Variants in CTIF observed in about 807,000 individuals in gnomAD.
CTIF encodes CBP80/20-dependent translation initiation factor.
Under a neutral mutation model 66.0 loss-of-function variants are expected in CTIF, and 21 were observed. The observed-to-expected ratio is 0.32, with a 90% CI of 0.23 to 0.46. The LOEUF is 0.46. CTIF is among the 20% of genes least tolerant of loss of function. The pLI is 1.00. For missense variants in CTIF, 739 were observed against 812.7 expected (o/e 0.91, Z 1.10); for synonymous variants, 345 against 326.4 (o/e 1.06, Z -0.62).
At chr18:48,544,800 A>G (rs1389844457) in intron 1 of CTIF, among the ~76,000 whole-genome samples, 1 of 152,214 alleles carries the variant, frequency 6.6e-6, no homozygotes, top group African/African-American at 2.4e-5. Context: ...TGCGAGCTTC[A>G]CAGTAGTTGT....
Position 48,550,535 on chromosome 18 carries a change from C to T in CTIF, c.-29+11223C>T, listed in dbSNP as rs563555124. On this transcript the variant is annotated intron_variant, in intron 1 of 11. Transcript: ENST00000256413. ...ACATACACATGCAAACAGCCCAGGCCGTGGGGCTGACCATGCAAGCTAAGA... is the reference window on the plus strand; with the variant it reads ...ACATACACATGCAAACAGCCCAGGCTGTGGGGCTGACCATGCAAGCTAAGA... 2.0e-5 allele frequency among the ~76,000 whole-genome samples: 3 copies of T among 152,332 alleles called. No homozygotes were observed. The South Asian group carries it at 6.2e-4, about 32-fold the overall frequency.
chr18:48,571,761 A>G (rs2089420690), intron 1 of CTIF, among the ~76,000 whole-genome samples: 1 of 152,034 alleles, frequency 6.6e-6, no homozygotes, highest in Non-Finnish European at 1.5e-5. Context: ...TATACTGTGT[A>G]GTCAAAGGCA....
At position 48,761,667 on chromosome 18, in the gene CTIF, G is replaced by A; in HGVS notation, c.1349G>A (p.Ser450Asn). 1 of 1,611,310 alleles carries A rather than the reference G, an allele frequency of 6.2e-7. No individual in the cohort carries two copies. The highest frequency in any genetic ancestry group is 8.5e-7 in the Non-Finnish European group (1 of 1,177,696). Reference protein sequence around the residue: ...LFMVEGTKFRSLLLNMLQKDF... With the variant: ...LFMVEGTKFRNLLLNMLQKDF... ...ATGGTGGAGGGGACCAAGTTCCGGA[G>A]CCTGCTCCTCAACATGCTGCAGGTA... The change falls in exon 9 of 12, where the codon AGC becomes AAC. Residue 450 changes from serine (S) to asparagine (N), a missense_variant. By Grantham distance (46) the Ser-to-Asn change is conservative. This residue lies in a region of CTIF where 210 missense variants were observed against 292.3 expected (regional missense o/e 0.72). Coordinates refer to ENST00000256413, the MANE Select transcript of CTIF (RefSeq NM_014772.3). This position sits in a 1 kb window ranked among gnomAD's most constrained non-coding sequence, Gnocchi z 4.2.
At chr18:48,646,056 A>T (rs1214680745) in intron 3 of CTIF, among the ~76,000 whole-genome samples, 1 of 152,224 alleles carries the variant, frequency 6.6e-6, no homozygotes, top group African/African-American at 2.4e-5. Context: ...GTTAACACTG[A>T]GATGCTAAAT....
At chr18:48,818,340 G>A (rs939546100) in intron 10 of CTIF, among the ~76,000 whole-genome samples, 5 of 152,196 alleles carry the variant, frequency 3.3e-5, no homozygotes, top group Non-Finnish European at 5.9e-5. Context: ...AGCAGGACTC[G>A]GTAATGTGAG....
At chr18:48,741,263 C>A (rs2092550217) in intron 7 of CTIF, among the ~76,000 whole-genome samples, 1 of 137,842 alleles carries the variant, frequency 7.3e-6, no homozygotes, top group Admixed American at 7.8e-5. Flanking sequence ...CCAGGGTCTG[C>A]TCTTTACTCT....
chr18:48,573,511 T>C (rs1191575364), intron 1 of CTIF, among the ~76,000 whole-genome samples: 2 of 152,232 alleles, frequency 1.3e-5, no homozygotes, highest in South Asian at 2.1e-4. Flanking sequence ...TTTAAAAACA[T>C]ACCAACAAAG....
intron 2 of CTIF, among the ~76,000 whole-genome samples, chr18:48,626,650 T>G (rs1173525194): frequency 7.6e-6 from 1 of 131,824 alleles, no homozygotes; most frequent in Admixed American, 7.0e-5. Flanking sequence ...TGGCCGTTTT[T>G]TTTTTGTTTT....
chr18:48,799,011 C>G (rs946373469), intron 9 of CTIF, among the ~76,000 whole-genome samples: 1 of 152,172 alleles, frequency 6.6e-6, no homozygotes, highest in Admixed American at 6.5e-5. Context: ...TCGCTGCCAC[C>G]AGCGCGTGAC....
chr18:48,677,046 C>T (rs2091642357), intron 6 of CTIF, among the ~76,000 whole-genome samples: 1 of 152,146 alleles, frequency 6.6e-6, no homozygotes, highest in African/African-American at 2.4e-5. Flanking sequence ...GGGTTGAAGC[C>T]TCTGTAGCCG....
intron 9 of CTIF, among the ~76,000 whole-genome samples, chr18:48,781,006 G>T (rs1477080116): frequency 6.6e-6 from 1 of 152,196 alleles, no homozygotes; most frequent in Non-Finnish European, 1.5e-5. Context: ...ATGTTTGCTG[G>T]GGGAGTCACA....
intron 6 of CTIF, among the ~76,000 whole-genome samples, chr18:48,706,639 C>T (rs915355406): frequency 6.6e-6 from 1 of 152,214 alleles, no homozygotes; most frequent in African/African-American, 2.4e-5. Flanking sequence ...ATACCCACCA[C>T]ACTGGGTTGT....
intron 9 of CTIF, among the ~76,000 whole-genome samples, chr18:48,808,533 T>A (rs1252393460): frequency 8.9e-5 from 13 of 145,674 alleles, no homozygotes; most frequent in South Asian, 6.4e-4. Flanking sequence ...TTTTTTTTTT[T>A]AACATTTGAC....
intron 7 of CTIF, among the ~76,000 whole-genome samples, chr18:48,748,315 A>C (rs1392976526): frequency 6.6e-6 from 1 of 151,938 alleles, no homozygotes; most frequent in Non-Finnish European, 1.5e-5. Flanking sequence ...GGTGGGGGCC[A>C]CTCAGTGTTT....
At chr18:48,779,336 A>G (rs995870238) in intron 9 of CTIF, among the ~76,000 whole-genome samples, 2 of 152,176 alleles carry the variant, frequency 1.3e-5, no homozygotes, top group Non-Finnish European at 2.9e-5. Flanking sequence ...ACATGGGGAA[A>G]GAAAGTTCCA....
At chr18:48,642,574 T>G (rs2090955391) in intron 3 of CTIF, among the ~76,000 whole-genome samples, 1 of 152,196 alleles carries the variant, frequency 6.6e-6, no homozygotes. Flanking sequence ...GGGGTCTGTG[T>G]GTGGGCTCAG....
At chr18:48,814,710 A>G (rs952590671) in intron 9 of CTIF, among the ~76,000 whole-genome samples, 1 of 152,218 alleles carries the variant, frequency 6.6e-6, no homozygotes, top group African/African-American at 2.4e-5. Context: ...TAATTCATTC[A>G]TTCACAAAGA....
intron 6 of CTIF, among the ~76,000 whole-genome samples, chr18:48,678,843 T>C (rs776169226): frequency 9.9e-5 from 15 of 152,170 alleles, no homozygotes; most frequent in Non-Finnish European, 2.2e-4. Flanking sequence ...AACACCTCAA[T>C]GATCCAGGCC....
intron 1 of CTIF, among the ~76,000 whole-genome samples, chr18:48,587,739 T>C (rs1376070249): frequency 2.0e-5 from 3 of 152,222 alleles, no homozygotes; most frequent in African/African-American, 4.8e-5. Context: ...TTTTCTTTTT[T>C]CCCCCAAAAG....
Sources: gnomAD v4.1 joint callset for allele counts (sites outside exome capture counted in the v4.1 genomes callset) on GRCh38, gnomAD v4.1.1 for gene constraint, gnomAD v4.1.1 regional missense constraint, Gnocchi (gnomAD v3.1) non-coding constraint, MANE v1.5 for transcripts, NCBI Gene and HGNC (gene_info 2026-07-23, HGNC 2026-07-21) for gene names.